The following PCDH15 variants were observed in gnomAD, a reference collection of about 807,000 sequenced individuals.
PCDH15 encodes the protein protocadherin related 15.
In PCDH15, 129 loss-of-function variants were observed where a neutral mutation model predicts 178.5. That is an observed-to-expected ratio of 0.72 (90% CI 0.63 to 0.84). The LOEUF (loss-of-function observed/expected upper bound fraction) is 0.84, where lower values mean the gene tolerates loss of function less well. Among genes scored for constraint, PCDH15 ranks in the 40% least tolerant of loss-of-function variants. The probability of loss-of-function intolerance (pLI) is 0.00; values close to 1 mark genes in which losing one functional copy is unlikely to be tolerated. For missense variants in PCDH15, 2,230 were observed against 2,099.9 expected, an observed-to-expected ratio of 1.06 and a Z score of -1.21; for synonymous variants, 800 against 732.0, an observed-to-expected ratio of 1.09 and a Z score of -1.50.
Position 55,301,455 on chromosome 10 carries a change from T to C in PCDH15, c.-156+18144A>G, listed in dbSNP as rs1026603044. On this transcript the variant is annotated intron_variant, in intron 1 of 5. Transcript: ENST00000458638. ...GCCCCATTTTCTAATTGTTTTTTTT[T>C]TCTTTTTTAAAGTTGCACATTGAAA... is the stretch of plus-strand genomic sequence containing the variant. 1.6e-4 allele frequency among the ~76,000 whole-genome samples: 25 copies of C among 152,238 alleles called. No homozygotes were observed. In the East Asian group the frequency reaches 4.8e-3, roughly 29 times the overall value.
chr10:55,537,690 T>G (rs1199751865), intron 2 of PCDH15, among the ~76,000 whole-genome samples: 1 of 152,126 alleles, frequency 6.6e-6, no homozygotes, highest in Non-Finnish European at 1.5e-5. Flanking sequence ...CCCGTCGGCC[T>G]GCCAAAGTGC....
At chr10:54,211,938 T>C (rs1013784583) in intron 10 of PCDH15, among the ~76,000 whole-genome samples, 1 of 151,760 alleles carries the variant, frequency 6.6e-6, no homozygotes, top group Non-Finnish European at 1.5e-5. Context: ...AATTTGAATC[T>C]AATATTGTCT....
At chr10:55,574,191 A>G (rs532386470) in intron 2 of PCDH15, among the ~76,000 whole-genome samples, 2 of 152,158 alleles carry the variant, frequency 1.3e-5, no homozygotes, top group East Asian at 3.9e-4. Flanking sequence ...GCAAGTTATA[A>G]CTGGATAGTT....
chr10:54,245,938 T>G (rs1422612821), intron 8 of PCDH15, among the ~76,000 whole-genome samples: 1 of 151,974 alleles, frequency 6.6e-6, no homozygotes, highest in East Asian at 1.9e-4. Flanking sequence ...ATGAGATACC[T>G]TCATAAATCA....
At chr10:53,902,953 G>A (rs1289164526) in intron 26 of PCDH15, among the ~76,000 whole-genome samples, 2 of 151,966 alleles carry the variant, frequency 1.3e-5, no homozygotes, top group African/African-American at 4.8e-5. Flanking sequence ...TATCCTACTG[G>A]AGGAATACAA....
intron 3 of PCDH15, among the ~76,000 whole-genome samples, chr10:54,816,485 A>G (rs903022275): frequency 6.6e-6 from 1 of 152,170 alleles, no homozygotes; most frequent in South Asian, 2.1e-4. Flanking sequence ...ACAATGTCAA[A>G]CCAGCCATGC....
At chr10:53,903,557 G>A (rs2082471608) in intron 25 of PCDH15, among the ~76,000 whole-genome samples, 187 bp from the exon 26 acceptor site, 1 of 152,234 alleles carries the variant, frequency 6.6e-6, no homozygotes, top group Non-Finnish European at 1.5e-5. Context: ...GTATAAAAAT[G>A]TTAAGTTGCT....
At chr10:53,924,168 G>T (rs980518756) in intron 25 of PCDH15, among the ~76,000 whole-genome samples, 1 of 152,164 alleles carries the variant, frequency 6.6e-6, no homozygotes, top group South Asian at 2.1e-4. Flanking sequence ...CTCTGCTTGC[G>T]GGGAGGTGTG....
At chr10:53,978,938 T>C (rs1307370831) in intron 21 of PCDH15, among the ~76,000 whole-genome samples, 2 of 152,130 alleles carry the variant, frequency 1.3e-5, no homozygotes, top group Non-Finnish European at 2.9e-5. Flanking sequence ...TTTCAGCAGT[T>C]TGTTCAAAGC....
At chr10:54,731,547 T>TAGATATATATATATATAG (rs1566067223) in intron 1 of PCDH15, among the ~76,000 whole-genome samples, 2 of 28,942 alleles carry the variant, frequency 6.9e-5, no homozygotes, top group African/African-American at 2.0e-4. Context: ...GTGAGATAGA[T>TAGATATATATATATATAG]ATATATATAT....
intron 1 of PCDH15, among the ~76,000 whole-genome samples, chr10:54,681,196 G>A (rs149298755): frequency 1.7e-4 from 26 of 152,268 alleles, no homozygotes; most frequent in African/African-American, 4.8e-4. Flanking sequence ...ATTGGGGAGC[G>A]GCAGGTTTGG....
At chr10:54,128,800 T>C (rs938567585) in intron 15 of PCDH15, among the ~76,000 whole-genome samples, 1 of 152,130 alleles carries the variant, frequency 6.6e-6, no homozygotes, top group Non-Finnish European at 1.5e-5. Context: ...GTGAGGAAAA[T>C]AGTCAATTCA....
chr10:53,806,383 G>A lies in PCDH15; in HGVS notation c.*196C>T. ...TATTTAGTGAAAGTATGTCCAAAAG[G>A]ATTTTCTGGGAAAAACGATTAATTG... On this transcript the variant is annotated 3_prime_UTR_variant, in exon 38 of 38. Transcript: ENST00000644397. The A allele has an allele frequency of 1.9e-6, 1 of 534,910 alleles. No individual in the cohort carries two copies. The highest frequency in any genetic ancestry group is 3.2e-6 in the Non-Finnish European group (1 of 309,382). The allele number at this position is 534,910 out of a possible 1,614,324, so 33.1% of individuals were successfully genotyped here. A position where few individuals can be genotyped will look rare whatever the true frequency, so the allele number is the denominator to read the frequency against.
chr10:54,922,390 G>T (rs1489310425), intron 2 of PCDH15, among the ~76,000 whole-genome samples: 1 of 152,148 alleles, frequency 6.6e-6, no homozygotes, highest in Non-Finnish European at 1.5e-5. Flanking sequence ...AAACAAGGGA[G>T]CTATAGGCCC....
At chr10:55,490,186 A>G (rs959219639) in intron 2 of PCDH15, among the ~76,000 whole-genome samples, 1 of 151,804 alleles carries the variant, frequency 6.6e-6, no homozygotes, top group Non-Finnish European at 1.5e-5. Context: ...TTTAGCAACT[A>G]CAATTCAGAA....
chr10:54,185,115 T>C lies in PCDH15; in HGVS notation c.1440+19A>G. On this transcript the variant is annotated intron_variant, in intron 12 of 37. Transcript: ENST00000644397. Reference sequence around the variant, plus strand: ...TACATTCATACATACATATGTATATTTACACAAAAGCTCTTTACCGAAAAG... The same window carrying C: ...TACATTCATACATACATATGTATATCTACACAAAAGCTCTTTACCGAAAAG... 1 of 1,611,788 alleles carries C rather than the reference T, an allele frequency of 6.2e-7. No homozygotes were observed. The highest frequency in any genetic ancestry group is 8.5e-7 in the Non-Finnish European group (1 of 1,178,084).
intron 26 of PCDH15, among the ~76,000 whole-genome samples, chr10:53,902,341 C>G (rs1472792021): frequency 6.6e-6 from 1 of 151,962 alleles, no homozygotes; most frequent in East Asian, 1.9e-4. Context: ...AAGAAGAGCT[C>G]TAATCATGGT....
intron 2 of PCDH15, among the ~76,000 whole-genome samples, chr10:55,497,804 A>G (rs1374068743): frequency 6.6e-6 from 1 of 151,898 alleles, no homozygotes; most frequent in Non-Finnish European, 1.5e-5. Flanking sequence ...TATTTCACAT[A>G]AACTCACATC....
At chr10:54,883,690 C>A (rs4935567) in intron 3 of PCDH15, among the ~76,000 whole-genome samples, 93,094 of 151,580 alleles carry the variant, frequency 0.61, 28,949 homozygotes, top group African/African-American at 0.7. Flanking sequence ...TATAGAAATT[C>A]ATTATTATTT....
Sources: allele counts gnomAD v4.1 joint callset (sites outside exome capture counted in the v4.1 genomes callset), GRCh38; gene constraint gnomAD v4.1.1; transcripts MANE v1.5; gene names NCBI Gene and HGNC (gene_info 2026-07-23, HGNC 2026-07-21).